CNBD1: variants seen among roughly 807,000 people sequenced by gnomAD.
The protein encoded by CNBD1 is cyclic nucleotide-binding domain-containing protein 1.
In CNBD1, 71 loss-of-function variants were observed where a neutral mutation model predicts 54.4. The observed-to-expected ratio is 1.30, with a 90% CI of 1.08 to 1.59. CNBD1 has a LOEUF of 1.59. CNBD1 is among the 40% of genes most tolerant of loss of function. CNBD1 has a pLI of 0.00. For missense variants in CNBD1, 659 were observed against 518.0 expected, an observed-to-expected ratio of 1.27 and a Z score of -2.64; for synonymous variants, 182 against 170.7, an observed-to-expected ratio of 1.07 and a Z score of -0.51.
intron 4 of CNBD1, among the ~76,000 whole-genome samples, chr8:87,142,277 G>A (rs1479013034): frequency 6.6e-6 from 1 of 152,120 alleles, no homozygotes; most frequent in East Asian, 1.9e-4. Context: ...GAAAAGTGAG[G>A]TTGGGAATAA....
chr8:87,349,080 G>T (rs1344043015), intron 8 of CNBD1, among the ~76,000 whole-genome samples: 1 of 152,052 alleles, frequency 6.6e-6, no homozygotes, highest in East Asian at 1.9e-4. Context: ...ATATGACCTT[G>T]AGATAATAAT....
intron 3 of CNBD1, among the ~76,000 whole-genome samples, chr8:86,919,248 CT>C (rs1047085236): frequency 2.6e-5 from 4 of 152,054 alleles, no homozygotes; most frequent in African/African-American, 9.7e-5. Context: ...ATACACACTC[CT>C]TTTGGTGTTA....
At chr8:86,951,308 G>A (rs1039603443) in intron 4 of CNBD1, among the ~76,000 whole-genome samples, 2 of 151,732 alleles carry the variant, frequency 1.3e-5, no homozygotes. Flanking sequence ...TAATAGATAG[G>A]CTGGGCACGG....
chr8:87,401,809 C>A (rs1807570196), intron 2 of CNBD1, among the ~76,000 whole-genome samples: 1 of 151,972 alleles, frequency 6.6e-6, no homozygotes, highest in Non-Finnish European at 1.5e-5. Context: ...ATCAATTATG[C>A]TTTTCCACAT....
chr8:87,105,329 A>G (rs1210937179), intron 4 of CNBD1, among the ~76,000 whole-genome samples: 1 of 152,200 alleles, frequency 6.6e-6, no homozygotes, highest in Non-Finnish European at 1.5e-5. Context: ...TAAAATAGAT[A>G]TTAGTGAAAG....
chr8:87,191,573 T>C (rs762019933), intron 4 of CNBD1, among the ~76,000 whole-genome samples: 26 of 152,208 alleles, frequency 1.7e-4, no homozygotes, highest in Non-Finnish European at 3.7e-4. Context: ...TACTCAGTTT[T>C]CATGGCACCT....
intron 4 of CNBD1, among the ~76,000 whole-genome samples, chr8:87,025,359 C>T (rs867647598): frequency 2.0e-5 from 3 of 152,194 alleles, no homozygotes; most frequent in Admixed American, 6.5e-5. Context: ...CACAATAAAT[C>T]TTGCTGCTGC....
chr8:87,025,352 A>G (rs1262690305), intron 4 of CNBD1, among the ~76,000 whole-genome samples: 1 of 152,154 alleles, frequency 6.6e-6, no homozygotes, highest in Admixed American at 6.5e-5. Flanking sequence ...TGCTTTTCAC[A>G]ATAAATCTTG....
At chr8:87,331,649 C>A (rs1042491899) in intron 8 of CNBD1, among the ~76,000 whole-genome samples, 1 of 152,164 alleles carries the variant, frequency 6.6e-6, no homozygotes, top group South Asian at 2.1e-4. Context: ...CTGTCTTCCA[C>A]AATGGTTGAA....
intron 6 of CNBD1, among the ~76,000 whole-genome samples, chr8:87,267,148 A>G (rs1272275849): frequency 6.6e-6 from 1 of 152,208 alleles, no homozygotes; most frequent in Non-Finnish European, 1.5e-5. Context: ...ATAGTGATCA[A>G]CAAATCAAAA....
At chr8:87,398,361 AC>A (rs1248212077) in intron 2 of CNBD1, among the ~76,000 whole-genome samples, 1 of 151,718 alleles carries the variant, frequency 6.6e-6, no homozygotes, top group Non-Finnish European at 1.5e-5. Flanking sequence ...GAGAAAATGG[AC>A]TTCCAGAGAA....
In CNBD1 at chr8:87,029,886, G is replaced by A. The variant is rs192142271; in HGVS notation, c.431+90132G>A. Among the ~76,000 whole-genome samples, 18 of 152,226 alleles carry A rather than the reference G, an allele frequency of 1.2e-4. No homozygotes were observed. In the East Asian group the frequency reaches 3.5e-3, roughly 29 times the overall value. Reference sequence around the variant, plus strand: ...ATTTTGAGGGTACATTTCCTAAAATGCAAAGGCACATATAGGTGCCTATGA... The same window carrying A: ...ATTTTGAGGGTACATTTCCTAAAATACAAAGGCACATATAGGTGCCTATGA... On this transcript the variant is annotated intron_variant, in intron 4 of 10. Coordinates refer to ENST00000518476, the MANE Select transcript of CNBD1 (RefSeq NM_173538.3).
chr8:87,270,998 G>T (rs140528558), intron 6 of CNBD1, among the ~76,000 whole-genome samples: 108 of 151,722 alleles, frequency 7.1e-4, no homozygotes, highest in Non-Finnish European at 8.7e-4. Context: ...GTTCTATCTT[G>T]GTAGGTTATA....
intron 8 of CNBD1, among the ~76,000 whole-genome samples, chr8:87,300,589 A>G (rs1416287560): frequency 6.6e-6 from 1 of 152,160 alleles, no homozygotes; most frequent in African/African-American, 2.4e-5. Context: ...TAGCTTAAGC[A>G]TTTTATTTTA....
chr8:87,349,212 AAAC>A (rs1265047639), intron 8 of CNBD1, among the ~76,000 whole-genome samples: 1 of 152,194 alleles, frequency 6.6e-6, no homozygotes, highest in Non-Finnish European at 1.5e-5. Context: ...AAGGGTATCC[AAAC>A]AACATTTATC....
intron 6 of CNBD1, among the ~76,000 whole-genome samples, chr8:87,274,145 C>A (rs1808427599): frequency 6.6e-6 from 1 of 151,798 alleles, no homozygotes; most frequent in Non-Finnish European, 1.5e-5. Context: ...GTATATGTGC[C>A]ACATTTTCTT....
intron 4 of CNBD1, among the ~76,000 whole-genome samples, chr8:86,995,222 A>C (rs1220323003): frequency 6.6e-6 from 1 of 152,208 alleles, no homozygotes; most frequent in African/African-American, 2.4e-5. Flanking sequence ...ATAAGAATAC[A>C]TAAATATTTA....
chr8:87,283,052 A>G (rs1808626372), intron 6 of CNBD1, among the ~76,000 whole-genome samples: 1 of 152,022 alleles, frequency 6.6e-6, no homozygotes, highest in African/African-American at 2.4e-5. Context: ...TTTCTGTTAG[A>G]TATATGCTAA....
At chr8:87,392,662 G>A (rs148688275) in intron 2 of CNBD1, among the ~76,000 whole-genome samples, 3 of 152,052 alleles carry the variant, frequency 2.0e-5, no homozygotes, top group African/African-American at 7.2e-5. Context: ...GGGTGGAGAG[G>A]AATGAAGAGT....
Sources: allele counts gnomAD v4.1 joint callset (sites outside exome capture counted in the v4.1 genomes callset), GRCh38; gene constraint gnomAD v4.1.1; transcripts MANE v1.5; gene names NCBI Gene and HGNC (gene_info 2026-07-23, HGNC 2026-07-21).